Variants in COL21A1 observed in about 807,000 individuals in gnomAD.
COL21A1 encodes collagen alpha-1(XXI) chain.
COL21A1 carries 149 observed loss-of-function variants against 137.9 expected under a neutral mutation model. The observed-to-expected ratio is 1.08, with a 90% CI of 0.95 to 1.24. The LOEUF is 1.24. Ranked by LOEUF, COL21A1 falls within the 50% of genes most tolerant of loss-of-function variation. The pLI is 0.00. For missense variants in COL21A1, 1,167 were observed against 1,158.4 expected (o/e 1.01, Z -0.11); for synonymous variants, 456 against 391.5 (o/e 1.16, Z -1.95).
At chr6:56,149,409 A>G (rs933619366) in intron 10 of COL21A1, among the ~76,000 whole-genome samples, 6 of 152,202 alleles carry the variant, frequency 3.9e-5, no homozygotes, top group Non-Finnish European at 7.4e-5. Context: ...TATATAGCAA[A>G]GAATTAATTC....
At chr6:56,333,651 A>C (rs1765279412) in intron 1 of COL21A1, among the ~76,000 whole-genome samples, 1 of 152,110 alleles carries the variant, frequency 6.6e-6, no homozygotes, top group Non-Finnish European at 1.5e-5. Context: ...AATACCTAGT[A>C]ATTGAATGGC....
chr6:56,285,329 A>G (rs1398689621), intron 1 of COL21A1, among the ~76,000 whole-genome samples: 1 of 152,200 alleles, frequency 6.6e-6, no homozygotes, highest in African/African-American at 2.4e-5. Flanking sequence ...TTTCTTAAAG[A>G]GCAATCAGTT....
chr6:56,187,039 A>G (rs1424659345), intron 1 of COL21A1, among the ~76,000 whole-genome samples: 1 of 152,230 alleles, frequency 6.6e-6, no homozygotes, highest in East Asian at 1.9e-4. Context: ...GTTATAACTC[A>G]ATACCTGAGA....
intron 17 of COL21A1, among the ~76,000 whole-genome samples, chr6:56,088,769 T>C (rs909842494): frequency 1.3e-5 from 2 of 151,984 alleles, no homozygotes; most frequent in East Asian, 3.9e-4. Flanking sequence ...CAATGAAAAA[T>C]ACGCAAAAAA....
At chr6:56,105,136 T>C (rs1326496667) in intron 16 of COL21A1, among the ~76,000 whole-genome samples, 2 of 152,200 alleles carry the variant, frequency 1.3e-5, no homozygotes, top group Admixed American at 6.5e-5. Context: ...GAAGGTATCA[T>C]GCACATCAGT....
chr6:56,377,344 C>T lies in COL21A1; in HGVS notation c.-39+16627G>A, dbSNP rs547582273. 2.0e-5 allele frequency among the ~76,000 whole-genome samples: 3 copies of T among 152,102 alleles called. No individual in the cohort carries two copies. The South Asian group carries it at 6.2e-4, about 32-fold the overall frequency. ...TCCCTCCCCAATCCCCGATTCCCCA[C>T]TCCCCTCTCCCCCATTTTCCCCCTT... On this transcript the variant is annotated intron_variant, in intron 1 of 28. Coordinates refer to the COL21A1 transcript ENST00000370819.
At chr6:56,209,345 C>A (rs1379391960) in intron 1 of COL21A1, among the ~76,000 whole-genome samples, 1 of 151,996 alleles carries the variant, frequency 6.6e-6, no homozygotes, top group Non-Finnish European at 1.5e-5. Context: ...AACAGGCAAC[C>A]TAGAGAATGG....
intron 3 of COL21A1, among the ~76,000 whole-genome samples, chr6:56,178,137 A>G (rs1777633680): frequency 6.6e-6 from 1 of 152,212 alleles, no homozygotes; most frequent in Admixed American, 6.5e-5. Context: ...ACATTTTATC[A>G]GTTACATTTA....
chr6:56,288,793 A>G (rs561341820), intron 1 of COL21A1, among the ~76,000 whole-genome samples: 1 of 152,342 alleles, frequency 6.6e-6, no homozygotes, highest in African/African-American at 2.4e-5. Context: ...ATACTGTGCT[A>G]AAAGTGTCAG....
intron 10 of COL21A1, among the ~76,000 whole-genome samples, chr6:56,152,462 C>T (rs965648772): frequency 2.0e-5 from 3 of 152,112 alleles, no homozygotes; most frequent in African/African-American, 7.2e-5. Flanking sequence ...TTCTTCCTAC[C>T]ACAGTTGTGT....
At chr6:56,359,845 C>T (rs1287832871) in intron 1 of COL21A1, among the ~76,000 whole-genome samples, 1 of 152,158 alleles carries the variant, frequency 6.6e-6, no homozygotes, top group Non-Finnish European at 1.5e-5. Flanking sequence ...CTCTGAAGTC[C>T]TATCCGTGTC....
chr6:56,222,766 C>T (rs1780922185), intron 1 of COL21A1, among the ~76,000 whole-genome samples: 1 of 100,712 alleles, frequency 9.9e-6, no homozygotes, highest in Admixed American at 9.8e-5. Flanking sequence ...GTGTAAGCTC[C>T]TATTCTTTAA....
upstream of COL21A1, among the ~76,000 whole-genome samples, chr6:56,251,824 A>C (rs1782862912): frequency 6.6e-6 from 1 of 152,196 alleles, no homozygotes; most frequent in Admixed American, 6.5e-5. Flanking sequence ...CAATGTCCTC[A>C]CTTTTTCCTC....
chr6:56,345,894 A>G (rs1317016702), intron 1 of COL21A1, among the ~76,000 whole-genome samples: 1 of 152,178 alleles, frequency 6.6e-6, no homozygotes, highest in Non-Finnish European at 1.5e-5. Flanking sequence ...TCTGCTACTC[A>G]GGGGCCAGAC....
At chr6:56,333,403 T>A (rs2397219) in intron 1 of COL21A1, among the ~76,000 whole-genome samples, 102,252 of 151,460 alleles carry the variant, frequency 0.68, 34,842 homozygotes, top group East Asian at 0.9. Flanking sequence ...TGTACCCTTA[T>A]CTGGATTCCT....
rs1040924576 is a variant in COL21A1 at position 56,129,636 on chromosome 6, C to T, written c.1543-3487G>A. The stretch of plus-strand genomic sequence containing the variant: ...GAATAATTGCTTCCTCTGTCACGTG[C>T]GTGCGTGTGTGTGTGTTGCTTCCTC... On this transcript the variant is annotated intron_variant, in intron 12 of 29. Coordinates refer to ENST00000244728, the MANE Select transcript of COL21A1 (RefSeq NM_030820.4). Among the ~76,000 whole-genome samples the T allele has an allele frequency of 2.4e-4, 35 of 148,280 alleles. No homozygotes were observed. The South Asian group carries it at 2.4e-3, about 10-fold the overall frequency.
At chr6:56,148,233 A>G (rs1388192825) in intron 10 of COL21A1, among the ~76,000 whole-genome samples, 2 of 152,152 alleles carry the variant, frequency 1.3e-5, no homozygotes, top group Non-Finnish European at 1.5e-5. Context: ...AAAGCCTTAT[A>G]AAGGCATAGT....
intron 1 of COL21A1, among the ~76,000 whole-genome samples, chr6:56,268,438 G>T (rs112525701): frequency 6.6e-6 from 1 of 152,132 alleles, no homozygotes; most frequent in South Asian, 2.1e-4. Context: ...AAATACAAAA[G>T]AGCCATGTGG....
intron 12 of COL21A1, among the ~76,000 whole-genome samples, chr6:56,136,846 T>A (rs2152230717): frequency 6.6e-6 from 1 of 152,212 alleles, no homozygotes; most frequent in South Asian, 2.1e-4. Flanking sequence ...CTATCCCTCT[T>A]CCCTAGAGAG....
Sources: allele counts gnomAD v4.1 joint callset (sites outside exome capture counted in the v4.1 genomes callset), GRCh38; gene constraint gnomAD v4.1.1; transcripts MANE v1.5; gene names NCBI Gene and HGNC (gene_info 2026-07-23, HGNC 2026-07-21).